Variants in C10orf71 observed in about 807,000 individuals in gnomAD.
C10orf71 encodes cardiac-enriched FHL2-interacting protein.
For missense variants in C10orf71, 1,869 were observed against 1,804.5 expected (o/e 1.04, Z -0.65); for synonymous variants, 758 against 726.3 (o/e 1.04, Z -0.70).
chr10:49,305,134 G>A (rs899620544), intron 1 of C10orf71, among the ~76,000 whole-genome samples: 6 of 152,214 alleles, frequency 3.9e-5, no homozygotes, highest in Admixed American at 2.6e-4. Context: ...ATGGGGAATA[G>A]AAGGACATCT....
Position 49,322,878 on chromosome 10 carries a change from G to T in C10orf71, c.333G>T (p.Lys111Asn). Reference sequence around the variant, plus strand: ...CCAAGTACGTTCAGGGAGAGGAAAAGTACCCCAAAACCAGCCCCCCACCAA... The same window carrying T: ...CCAAGTACGTTCAGGGAGAGGAAAATTACCCCAAAACCAGCCCCCCACCAA... The part of the protein sequence containing the change: ...QLPKYVQGEE[K>N]YPKTSPPPTP... The change falls in exon 3 of 3, where the codon AAG becomes AAT. Residue 111 changes from lysine (K) to asparagine (N), a missense_variant. By Grantham distance (94) the Lys-to-Asn change is moderately conservative. Transcript: ENST00000374144. 1 of 1,613,896 alleles carries T rather than the reference G, an allele frequency of 6.2e-7. No homozygotes were observed. The highest frequency in any genetic ancestry group is 1.1e-5 in the South Asian group (1 of 91,074).
chr10:49,311,552 A>G (rs1373281911), intron 1 of C10orf71, among the ~76,000 whole-genome samples: 1 of 152,270 alleles, frequency 6.6e-6, no homozygotes, highest in Non-Finnish European at 1.5e-5. Context: ...TAGGTAAAAG[A>G]TGAACCAAGC....
chr10:49,312,226 G>C (rs1564685476), intron 1 of C10orf71, among the ~76,000 whole-genome samples: 1 of 152,148 alleles, frequency 6.6e-6, no homozygotes, highest in African/African-American at 2.4e-5. Flanking sequence ...ATTCACAGTG[G>C]GCATGGCAGA....
intron 1 of C10orf71, among the ~76,000 whole-genome samples, chr10:49,303,885 T>G (rs1336458648): frequency 6.6e-6 from 1 of 152,208 alleles, no homozygotes; most frequent in Non-Finnish European, 1.5e-5. Flanking sequence ...GCCTTACCCC[T>G]GCTGTGCTGG....
chr10:49,302,265 C>G lies in C10orf71; in HGVS notation c.-248+3032C>G, dbSNP rs561284645. ...CATGCCAGGTCACATTGGAGCTGCC[C>G]CTTGGCTTGCCATGTCCCGGGTTGC... On this transcript the variant is annotated intron_variant, in intron 1 of 2. Coordinates refer to ENST00000374144, the MANE Select transcript of C10orf71 (RefSeq NM_001135196.2). Among the ~76,000 whole-genome samples, 8 of 152,288 alleles carry G rather than the reference C, an allele frequency of 5.3e-5. No homozygotes were observed. The South Asian group carries it at 1.7e-3, about 32-fold the overall frequency.
intron 1 of C10orf71, among the ~76,000 whole-genome samples, chr10:49,300,760 A>T (rs1237090641): frequency 6.6e-6 from 1 of 152,196 alleles, no homozygotes; most frequent in African/African-American, 2.4e-5. Flanking sequence ...TCCAACACAC[A>T]TCTGCCCCTG....
In C10orf71 at chr10:49,322,917, G is replaced by T; in HGVS notation, c.372G>T (p.Arg124Ser). ...GCCCCCCACCAACGCCAGTCCAGAG[G>T]AGACTGGAGGTGCCAGTTTCCGGCC... ...KTSPPPTPVQ[R>S]RLEVPVSGLR... The change falls in exon 3 of 3, where the codon AGG becomes AGT. Residue 124 changes from arginine (R) to serine (S), a missense_variant. Coordinates refer to ENST00000374144, the MANE Select transcript of C10orf71 (RefSeq NM_001135196.2). 6.2e-7 allele frequency: 1 copy of T among 1,613,904 alleles called. No homozygotes were observed. Among genetic ancestry groups the T allele is most frequent in the Non-Finnish European group, 8.5e-7 (1 of 1,179,838 alleles).
chr10:49,308,084 A>G (rs919054155), intron 1 of C10orf71, among the ~76,000 whole-genome samples: 1 of 152,154 alleles, frequency 6.6e-6, no homozygotes. Flanking sequence ...GGCTGAGCTC[A>G]CAGAGAAAGC....
rs916745165 is a variant in C10orf71 at position 49,325,229 on chromosome 10, C to T, written c.2684C>T (p.Pro895Leu). 3.2e-6 allele frequency: 5 copies of T among 1,551,976 alleles called. No individual in the cohort carries two copies. In the East Asian group the frequency reaches 1.2e-4, roughly 38 times the overall value. ...LSSGHKEEEL[P>L]RPEWGEDPGF... ...AGTGGCCACAAAGAGGAGGAATTGC[C>T]AAGGCCAGAATGGGGTGAGGATCCT... is the stretch of plus-strand genomic sequence containing the variant. The change falls in exon 3 of 3, where the codon CCA becomes CTA. Residue 895 changes from proline to leucine, a missense_variant. Coordinates refer to ENST00000374144, the MANE Select transcript of C10orf71 (RefSeq NM_001135196.2).
At position 49,317,123 on chromosome 10, in the gene C10orf71, C is replaced by T. The variant is rs80043439; in HGVS notation, c.-145+876C>T. On this transcript the variant is annotated intron_variant, in intron 2 of 2. Transcript: ENST00000374144. The stretch of plus-strand genomic sequence containing the variant: ...TACTGAGTTCAGCCATTGCCAAGAT[C>T]GGAATCCCAGCATTTAGGACATCAG... Among the ~76,000 whole-genome samples the T allele has an allele frequency of 4.1e-4, 62 of 152,262 alleles. No homozygotes were observed. The East Asian group carries it at 0.01, about 25-fold the overall frequency.
chr10:49,327,043 G>A lies in C10orf71; in HGVS notation c.*190G>A, dbSNP rs768578957. On this transcript the variant is annotated 3_prime_UTR_variant, in exon 3 of 3. Coordinates refer to ENST00000374144, the MANE Select transcript of C10orf71 (RefSeq NM_001135196.2). ...GATCCCAAGACGACCTCACCCAAAG[G>A]GCTCCCTGGCTCTCCTCTGATGGAG... 3 of 1,553,494 alleles carry A rather than the reference G, an allele frequency of 1.9e-6. No homozygotes were observed. Among genetic ancestry groups the A allele is most frequent in the Non-Finnish European group, 2.6e-6 (3 of 1,145,958 alleles).
At chr10:49,310,249 G>A (rs1270393246) in intron 1 of C10orf71, among the ~76,000 whole-genome samples, 1 of 152,218 alleles carries the variant, frequency 6.6e-6, no homozygotes, top group Non-Finnish European at 1.5e-5. Flanking sequence ...GTGGATGTCT[G>A]GGAGAACTCA....
At chr10:49,305,591 T>C (rs1848798690) in intron 1 of C10orf71, among the ~76,000 whole-genome samples, 1 of 152,242 alleles carries the variant, frequency 6.6e-6, no homozygotes. Flanking sequence ...AAAGGCCCCA[T>C]GCTAGGCATA....
intron 1 of C10orf71, among the ~76,000 whole-genome samples, chr10:49,310,673 C>T (rs1031084459): frequency 6.6e-6 from 1 of 152,108 alleles, no homozygotes; most frequent in Non-Finnish European, 1.5e-5. Flanking sequence ...TACACATGAG[C>T]CGTGACTGTC....
chr10:49,324,366 G>A lies in C10orf71; in HGVS notation c.1821G>A (p.Glu607=), dbSNP rs1849172306. 1 of 1,613,710 alleles carries A rather than the reference G, an allele frequency of 6.2e-7. No homozygotes were observed. The highest frequency in any genetic ancestry group is 1.7e-5 in the Admixed American group (1 of 59,970). The change falls in exon 3 of 3, where the codon GAG becomes GAA. Residue 607 remains glutamate (E), a synonymous_variant. Coordinates refer to ENST00000374144, the MANE Select transcript of C10orf71 (RefSeq NM_001135196.2). The part of the protein sequence containing the change: ...IAKAPFYVNG[E]AAERSSYENK... ...AAGCCCCCTTCTATGTCAATGGGGA[G>A]GCTGCTGAGAGAAGCAGTTATGAGA...
rs1053794362 is a variant in C10orf71 at position 49,322,362 on chromosome 10, T to G, written c.-144-40T>G. Reference sequence around the variant, plus strand: ...ACCAGCACATATTCTTGTGTAGAGCTGTATACTTTGTTCACGCCCTGCACC... The same window carrying G: ...ACCAGCACATATTCTTGTGTAGAGCGGTATACTTTGTTCACGCCCTGCACC... On this transcript the variant is annotated intron_variant, in intron 2 of 2. Coordinates refer to ENST00000374144, the MANE Select transcript of C10orf71 (RefSeq NM_001135196.2). 25 of 629,836 alleles carry G rather than the reference T, an allele frequency of 4.0e-5. No individual in the cohort carries two copies. In the East Asian group the frequency reaches 7.2e-4, roughly 18 times the overall value. 39.0% of individuals were successfully genotyped at this position (629,836 alleles called of 1,614,324 possible). A position where few individuals can be genotyped will look rare whatever the true frequency, so the allele number is the denominator to read the frequency against.
intron 1 of C10orf71, among the ~76,000 whole-genome samples, chr10:49,305,782 C>T (rs530348267): frequency 1.6e-4 from 25 of 152,292 alleles, no homozygotes; most frequent in African/African-American, 5.8e-4. Flanking sequence ...AAACGGGGCA[C>T]CCGTAAGTTG....
intron 2 of C10orf71, among the ~76,000 whole-genome samples, 182 bp downstream of exon 2, chr10:49,316,429 G>T (rs954727643): frequency 1.3e-5 from 2 of 152,108 alleles, no homozygotes; most frequent in Non-Finnish European, 2.9e-5. Flanking sequence ...AGCAACATGG[G>T]GAGGGAGTCT....
At chr10:49,321,073 G>A (rs944066813) in intron 2 of C10orf71, among the ~76,000 whole-genome samples, 1 of 151,670 alleles carries the variant, frequency 6.6e-6, no homozygotes, top group African/African-American at 2.4e-5. Flanking sequence ...TGTGTGATAA[G>A]AGCATTTAAC....
Sources: allele counts gnomAD v4.1 joint callset (sites outside exome capture counted in the v4.1 genomes callset), GRCh38; gene constraint gnomAD v4.1.1; transcripts MANE v1.5; gene names NCBI Gene and HGNC (gene_info 2026-07-23, HGNC 2026-07-21).